Variants in MICAL3 observed in about 807,000 individuals in gnomAD.
MICAL3 encodes microtubule associated monooxygenase, calponin and LIM domain containing 3.
MICAL3 carries 62 observed loss-of-function variants against 207.4 expected under a neutral mutation model. That is an observed-to-expected ratio of 0.30 (90% CI 0.24 to 0.37). The LOEUF is 0.37. Among genes scored for constraint, MICAL3 ranks in the 10% least tolerant of loss-of-function variants. The pLI is 1.00. For missense variants in MICAL3, 2,368 were observed against 2,635.6 expected (o/e 0.90, Z 2.22); for synonymous variants, 1,077 against 1,069.3 (o/e 1.01, Z -0.14).
chr22:17,846,270 C>T (rs1240357685), intron 19 of MICAL3, among the ~76,000 whole-genome samples: 1 of 152,132 alleles, frequency 6.6e-6, no homozygotes, highest in Non-Finnish European at 1.5e-5. Flanking sequence ...CAGGCCATTG[C>T]CGGGGGTTCA....
At chr22:17,862,355 C>T (rs771435658) in intron 19 of MICAL3, 36 of 654,112 alleles carry the variant, frequency 5.5e-5, no homozygotes, top group African/African-American at 1.8e-4. Context: ...CCTGGGTTCA[C>T]GCCATTCTCC....
rs747126078 is a variant in MICAL3, at chr22:17,864,647, G to A, written c.2605+252C>T. 1.5e-5 allele frequency: 24 copies of A among 1,593,366 alleles called. No homozygotes were observed. The Middle Eastern group carries it at 5.1e-4, about 34-fold the overall frequency. ...TTCACGGCTCTGCCGCCCACCGGACGGCCCCATCACTGGGCCACAGCCTGC... is the reference window on the plus strand; with the variant it reads ...TTCACGGCTCTGCCGCCCACCGGACAGCCCCATCACTGGGCCACAGCCTGC... On this transcript the variant is annotated intron_variant, in intron 19 of 31. Coordinates refer to ENST00000441493, the MANE Select transcript of MICAL3 (RefSeq NM_015241.3).
intron 16 of MICAL3, chr22:17,881,237 G>C: frequency 2.5e-6 from 4 of 1,612,706 alleles, no homozygotes; most frequent in Non-Finnish European, 3.4e-6. Flanking sequence ...CAGGGAGGTG[G>C]AGTAGGGGGA....
Position 17,819,128 on chromosome 22 carries a change from C to T in MICAL3, c.3533G>A (p.Gly1178Glu). 6.8e-7 allele frequency: 1 copy of T among 1,476,220 alleles called. No individual in the cohort carries two copies. The highest frequency in any genetic ancestry group is 1.8e-4 in the Middle Eastern group (1 of 5,472). 91.4% of individuals were successfully genotyped at this position (1,476,220 alleles called of 1,614,324 possible). Residue 1178 changes from glycine (G) to glutamate (E), a missense_variant and splice_region_variant, in exon 26 of 32, where the codon GGG (glycine) becomes GAG (glutamate). Physicochemically the swap from Gly to Glu is moderately conservative, Grantham distance 98 (BLOSUM62 -2). Around this residue, in one of 4 missense-constraint regions of MICAL3, gnomAD observed 1,770 missense variants for 1,863.2 expected, o/e 0.95. Transcript: ENST00000441493. ...GGCAGGGACAGGTGGGAGTTGGGGCCCCTACAGGGAAGGAAGACAGAAGCC... is the reference window on the plus strand; with the variant it reads ...GGCAGGGACAGGTGGGAGTTGGGGCTCCTACAGGGAAGGAAGACAGAAGCC... The part of the protein sequence containing the change: ...FIPVHSPSTE[G>E]PQLPPVPAAT...
In MICAL3 at chr22:17,817,926, T is replaced by C. The variant is rs1488089969; in HGVS notation, c.4735A>G (p.Lys1579Glu). The C allele has an allele frequency of 1.2e-6, 2 of 1,612,408 alleles. No homozygotes were observed. Among genetic ancestry groups the C allele is most frequent in the South Asian group, 1.1e-5 (1 of 91,082 alleles). The change falls in exon 26 of 32, where the codon AAG (lysine) becomes GAG (glutamate). Residue 1579 changes from lysine to glutamate, a missense_variant. Coordinates refer to ENST00000441493, the MANE Select transcript of MICAL3 (RefSeq NM_015241.3). The part of the protein sequence containing the change: ...PALEGTLQPQ[K>E]RGLPLVSAEA... ...GCGGACACCAAGGGCAGCCCCCTCT[T>C]CTGTGGCTGCAGCGTCCCCTCCAGA...
intron 17 of MICAL3, among the ~76,000 whole-genome samples, chr22:17,868,895 C>T (rs903887219): frequency 6.6e-5 from 10 of 151,940 alleles, no homozygotes; most frequent in Non-Finnish European, 1.0e-4. Flanking sequence ...TGGTTCTCCA[C>T]AGACGCATGG....
intron 27 of MICAL3, 87 bp from the exon 28 acceptor site, chr22:17,810,900 G>C (rs1160361403): frequency 1.3e-5 from 13 of 1,037,644 alleles, no homozygotes; most frequent in African/African-American, 1.6e-5. Context: ...GCCTGGAGAG[G>C]TCTGTCCCCC....
At chr22:17,968,041 CA>C (rs34366249) in intron 1 of MICAL3, among the ~76,000 whole-genome samples, 71 of 126,968 alleles carry the variant, frequency 5.6e-4, no homozygotes, top group Admixed American at 1.2e-3. Context: ...GACTCCGTCT[CA>C]AAAAAAAAAA....
chr22:17,980,644 G>A (rs932177883), intron 1 of MICAL3, among the ~76,000 whole-genome samples: 1 of 152,206 alleles, frequency 6.6e-6, no homozygotes, highest in Non-Finnish European at 1.5e-5. Context: ...CGGAGAAAAG[G>A]AGGCAGAATC....
chr22:17,954,682 G>A (rs902099065), intron 1 of MICAL3, among the ~76,000 whole-genome samples: 1 of 151,922 alleles, frequency 6.6e-6, no homozygotes, highest in African/African-American at 2.4e-5. Flanking sequence ...AACAAACAGA[G>A]CAGCAGAATC....
intron 19 of MICAL3, among the ~76,000 whole-genome samples, chr22:17,855,597 G>A (rs979354095): frequency 2.0e-5 from 3 of 152,198 alleles, no homozygotes; most frequent in Non-Finnish European, 2.9e-5. Flanking sequence ...GGACCAAAAC[G>A]AAGGATGATA....
chr22:17,825,801 A>G (rs1922118129), intron 22 of MICAL3, among the ~76,000 whole-genome samples: 1 of 152,238 alleles, frequency 6.6e-6, no homozygotes, highest in East Asian at 1.9e-4. Context: ...CTGCAAGGGA[A>G]AGAGCTGTCC....
In MICAL3 at chr22:17,910,512, C is replaced by T. The variant is rs111344002; in HGVS notation, c.-74-3626G>A. On this transcript the variant is annotated intron_variant, in intron 1 of 31. Coordinates refer to ENST00000441493, the MANE Select transcript of MICAL3 (RefSeq NM_015241.3). ...CCAACCAGCAGGCAAGTTTTAATTCCCCGGCCGAAGAGATTTCGACCTGCA... is the reference window on the plus strand; with the variant it reads ...CCAACCAGCAGGCAAGTTTTAATTCTCCGGCCGAAGAGATTTCGACCTGCA... 1.7e-3 allele frequency among the ~76,000 whole-genome samples: 255 copies of T among 152,314 alleles called. 1 individual carries two copies. The highest frequency in any genetic ancestry group is 5.8e-3 in the African/African-American group (242 of 41,558).
chr22:17,857,190 C>G (rs962436155), intron 19 of MICAL3, among the ~76,000 whole-genome samples: 1 of 152,152 alleles, frequency 6.6e-6, no homozygotes, highest in African/African-American at 2.4e-5. Flanking sequence ...ATAGACCCAC[C>G]GCCTGTCAGG....
intron 19 of MICAL3, 25 bp downstream of exon 19, chr22:17,864,874 C>A (rs1233803875): frequency 6.2e-7 from 1 of 1,613,766 alleles, no homozygotes; most frequent in Non-Finnish European, 8.5e-7. Flanking sequence ...ACGCGCCACC[C>A]AGCCAAACAA....
In MICAL3 at chr22:17,887,184, T is replaced by C. The variant is rs1190464097; in HGVS notation, c.2053A>G (p.Ser685Gly). 5 of 1,613,540 alleles carry C rather than the reference T, an allele frequency of 3.1e-6. No individual in the cohort carries two copies. In the African/African-American group the frequency reaches 4.0e-5, roughly 13 times the overall value. ...LDGAGKRRKTSQSEEEEAPRG... is the reference protein window; with the variant it reads ...LDGAGKRRKTGQSEEEEAPRG... ...GTGAATCTCACCTCCTCTGATTGAC[T>C]GGTCTTTCTCCTCTTCCCAGCACCA... is the stretch of plus-strand genomic sequence containing the variant. The change falls in exon 15 of 32, where the codon AGT becomes GGT. Residue 685 changes from serine to glycine, a missense_variant. Physicochemically the swap from Ser to Gly is moderately conservative, Grantham distance 56. Coordinates refer to ENST00000441493, the MANE Select transcript of MICAL3 (RefSeq NM_015241.3).
intron 1 of MICAL3, among the ~76,000 whole-genome samples, chr22:17,970,555 G>A (rs546900878): frequency 6.6e-6 from 1 of 152,282 alleles, no homozygotes; most frequent in South Asian, 2.1e-4. Flanking sequence ...GAAGTGTCAG[G>A]TTTCAGCACT....
intron 19 of MICAL3, among the ~76,000 whole-genome samples, chr22:17,843,885 C>T (rs141081703): frequency 0.017 from 2,617 of 151,604 alleles, 47 homozygotes; most frequent in South Asian, 0.086. Flanking sequence ...CTCGCTCTGT[C>T]GCCCAGGCTG....
At chr22:17,845,029 A>T (rs1403825758) in intron 19 of MICAL3, among the ~76,000 whole-genome samples, 1 of 152,204 alleles carries the variant, frequency 6.6e-6, no homozygotes, top group Admixed American at 6.5e-5. Flanking sequence ...CTGAGGATAC[A>T]CTGTCTGTGG....
Sources: allele counts gnomAD v4.1 joint callset (sites outside exome capture counted in the v4.1 genomes callset), GRCh38; gene constraint gnomAD v4.1.1; regional missense constraint gnomAD v4.1.1; transcripts MANE v1.5; gene names NCBI Gene and HGNC (gene_info 2026-07-23, HGNC 2026-07-21).